The following ZDHHC20 variants were observed in gnomAD, a reference collection of about 807,000 sequenced individuals.
ZDHHC20 encodes zDHHC palmitoyltransferase 20, also known as palmitoyltransferase ZDHHC20.
In ZDHHC20, 43 loss-of-function variants were observed where a neutral mutation model predicts 57.8. That is an observed-to-expected ratio of 0.74 (90% CI 0.58 to 0.96). The LOEUF (loss-of-function observed/expected upper bound fraction) is 0.96, where lower values mean the gene tolerates loss of function less well. Among genes scored for constraint, ZDHHC20 ranks in the 40% least tolerant of loss-of-function variants. The pLI, the probability that ZDHHC20 is intolerant of heterozygous loss-of-function variation, is 0.00. For missense variants in ZDHHC20, 391 were observed against 441.1 expected (o/e 0.89, Z 1.02); for synonymous variants, 157 against 153.0 (o/e 1.03, Z -0.19).
At position 21,425,687 on chromosome 13, in the gene ZDHHC20, G is replaced by C; in HGVS notation, c.119-9C>G. ...ATTTCCAAAAATAGTAACTAGAATA[G>C]AAGAAAAAATAGTGAATAAATATAC... On this transcript the variant is annotated splice_polypyrimidine_tract_variant and intron_variant, in intron 1 of 12. Transcript: ENST00000400590. The C allele has an allele frequency of 2.6e-6, 3 of 1,155,462 alleles. No individual in the cohort carries two copies. Among genetic ancestry groups the C allele is most frequent in the Non-Finnish European group, 3.5e-6 (3 of 858,886 alleles). The allele number at this position is 1,155,462 out of a possible 1,614,324, so 71.6% of individuals were successfully genotyped here.
At chr13:21,427,637 C>G (rs1358559912) in intron 1 of ZDHHC20, among the ~76,000 whole-genome samples, 1 of 152,010 alleles carries the variant, frequency 6.6e-6, no homozygotes, top group East Asian at 1.9e-4. Context: ...AATTCGAGAC[C>G]AGCCTGACCA....
chr13:21,433,938 A>G lies in ZDHHC20; in HGVS notation c.119-8260T>C, dbSNP rs573736623. On this transcript the variant is annotated intron_variant, in intron 1 of 12. Coordinates refer to ENST00000400590, the MANE Select transcript of ZDHHC20 (RefSeq NM_001330059.2). ...TTTTAATTACTCATTGCTATAGAAT[A>G]GTATTTAGAAATATGTTTTAGTTTT... Among the ~76,000 whole-genome samples, 8 of 152,230 alleles carry G rather than the reference A, an allele frequency of 5.3e-5. No individual in the cohort carries two copies. The South Asian group carries it at 1.7e-3, about 32-fold the overall frequency.
chr13:21,396,794 C>T (rs866199756), intron 7 of ZDHHC20, among the ~76,000 whole-genome samples: 1 of 150,436 alleles, frequency 6.6e-6, no homozygotes, highest in African/African-American at 2.4e-5. Context: ...GATTGTGCCA[C>T]TGCACTCCAG....
At chr13:21,378,813 A>T in intron 11 of ZDHHC20, 75 bp from the exon 12 acceptor site, 1 of 804,930 alleles carries the variant, frequency 1.2e-6, no homozygotes, top group South Asian at 3.2e-5. Flanking sequence ...GCTAAATGGT[A>T]AAATGACAGC....
intron 8 of ZDHHC20, among the ~76,000 whole-genome samples, chr13:21,390,898 A>AT (rs1483669347): frequency 6.6e-6 from 1 of 151,296 alleles, no homozygotes; most frequent in African/African-American, 2.4e-5. Flanking sequence ...ACTCTGTCTC[A>AT]AAAAAAAGAA....
intron 1 of ZDHHC20, among the ~76,000 whole-genome samples, chr13:21,435,005 G>T (rs1232702445): frequency 6.6e-6 from 1 of 152,042 alleles, no homozygotes; most frequent in Non-Finnish European, 1.5e-5. Context: ...CATGTCTTTA[G>T]CTTTTTGCAA....
At chr13:21,393,665 C>CCAT (rs1876198551) in intron 7 of ZDHHC20, among the ~76,000 whole-genome samples, 1 of 141,568 alleles carries the variant, frequency 7.1e-6, no homozygotes. Context: ...GATCGCACTG[C>CCAT]TGCACTCCAG....
intron 1 of ZDHHC20, among the ~76,000 whole-genome samples, chr13:21,447,195 G>A (rs12583189): frequency 0.25 from 38,153 of 149,638 alleles, 5,827 homozygotes; most frequent in South Asian, 0.33. Flanking sequence ...AGAGACCGCC[G>A]AGGTGCGGGC....
chr13:21,447,290 C>A (rs12584847), intron 1 of ZDHHC20, among the ~76,000 whole-genome samples: 1 of 147,370 alleles, frequency 6.8e-6, no homozygotes, highest in Non-Finnish European at 1.5e-5. Context: ...CTCCCTCTCC[C>A]TCTCCCTCTC....
At chr13:21,446,607 C>T (rs1181635481) in intron 1 of ZDHHC20, among the ~76,000 whole-genome samples, 1 of 152,126 alleles carries the variant, frequency 6.6e-6, no homozygotes, top group African/African-American at 2.4e-5. Context: ...ACCTATGGAT[C>T]TCTATTTAAG....
rs1434731522 is a variant in ZDHHC20 at position 21,413,783 on chromosome 13, A to C, written c.250-11T>G. The C allele has an allele frequency of 3.1e-6, 5 of 1,595,464 alleles. No individual in the cohort carries two copies. The African/African-American group carries it at 5.4e-5, about 17-fold the overall frequency. ...ATTGGACAAGTAGAACTATAAAAGG[A>C]AAGAGGACTATTAAATTTTTTTAAT... On this transcript the variant is annotated splice_polypyrimidine_tract_variant and intron_variant, in intron 3 of 12. Transcript: ENST00000400590.
At chr13:21,414,663 G>A (rs113306025) in intron 3 of ZDHHC20, among the ~76,000 whole-genome samples, 15,088 of 151,608 alleles carry the variant, frequency 0.1, 1,049 homozygotes, top group Non-Finnish European at 0.14. Context: ...GAGCCACCGC[G>A]CCCGGCCTAG....
chr13:21,385,745 A>T (rs1361438116), intron 9 of ZDHHC20, among the ~76,000 whole-genome samples: 1 of 152,238 alleles, frequency 6.6e-6, no homozygotes. Context: ...ATGAAAACTA[A>T]GAACTTACAG....
chr13:21,393,812 A>G (rs1259046962), intron 7 of ZDHHC20, among the ~76,000 whole-genome samples: 2 of 151,444 alleles, frequency 1.3e-5, no homozygotes, highest in South Asian at 2.1e-4. Flanking sequence ...TTGGCCTCCC[A>G]AAGTGCTGGA....
chr13:21,441,266 G>C (rs1883122240), intron 1 of ZDHHC20, among the ~76,000 whole-genome samples: 2 of 151,882 alleles, frequency 1.3e-5, no homozygotes, highest in African/African-American at 4.8e-5. Context: ...GTCACATTTT[G>C]GGTCTTTTAA....
chr13:21,419,551 C>T (rs964781908), intron 3 of ZDHHC20, among the ~76,000 whole-genome samples: 7 of 152,164 alleles, frequency 4.6e-5, no homozygotes, highest in Admixed American at 2.0e-4. Context: ...TGCAACTATA[C>T]GTAACACAGA....
chr13:21,381,032 A>T (rs1344913282), intron 11 of ZDHHC20, among the ~76,000 whole-genome samples: 1 of 151,586 alleles, frequency 6.6e-6, no homozygotes, highest in Non-Finnish European at 1.5e-5. Flanking sequence ...TTTGAGATGG[A>T]GTCTCGCTCT....
At chr13:21,397,095 G>A (rs1010682957) in intron 7 of ZDHHC20, among the ~76,000 whole-genome samples, 1 of 152,118 alleles carries the variant, frequency 6.6e-6, no homozygotes, top group Admixed American at 6.5e-5. Context: ...TATGTTCAAT[G>A]TAAGAAATCC....
chr13:21,425,665 T>C lies in ZDHHC20; in HGVS notation c.132A>G (p.Gly44=). The C allele has an allele frequency of 8.4e-7, 1 of 1,184,382 alleles. No homozygotes were observed. Among genetic ancestry groups the C allele is most frequent in the Non-Finnish European group, 1.1e-6 (1 of 878,760 alleles). 73.4% of individuals were successfully genotyped at this position (1,184,382 alleles called of 1,614,324 possible). A position where few individuals can be genotyped will look rare whatever the true frequency, so the allele number is the denominator to read the frequency against. Reference sequence around the variant, plus strand: ...AAAGTGCCTTACCATTTTCTTCATTTCCAAAAATAGTAACTAGAATAGAAG... The same window carrying C: ...AAAGTGCCTTACCATTTTCTTCATTCCCAAAAATAGTAACTAGAATAGAAG... The part of the protein sequence containing the change: ...VVELCVFTIF[G]NEENGKTVVY... Residue 44 remains glycine (G), a synonymous_variant, in exon 2 of 13, where the codon GGA becomes GGG. Transcript: ENST00000400590.
Sources: allele counts gnomAD v4.1 joint callset (sites outside exome capture counted in the v4.1 genomes callset), GRCh38; gene constraint gnomAD v4.1.1; transcripts MANE v1.5; gene names NCBI Gene and HGNC (gene_info 2026-07-23, HGNC 2026-07-21).